WNK3: variants seen among roughly 807,000 people sequenced by gnomAD.
WNK3 encodes the protein serine/threonine-protein kinase WNK3.
Under a neutral mutation model 116.7 loss-of-function variants are expected in WNK3, and 18 were observed. The ratio of observed to expected loss-of-function variants is 0.15; its 90% CI spans 0.11 to 0.23. The LOEUF (loss-of-function observed/expected upper bound fraction) is 0.23, where lower values mean the gene tolerates loss of function less well. Ranked by LOEUF, WNK3 falls within the 10% of genes least tolerant of loss-of-function variation. WNK3 has a pLI of 1.00. For missense variants in WNK3, 993 were observed against 1,323.8 expected, an observed-to-expected ratio of 0.75 and a Z score of 3.88; for synonymous variants, 404 against 469.4, an observed-to-expected ratio of 0.86 and a Z score of 1.80.
At chrX:54,339,279 CTA>C in intron 1 of WNK3, among the ~76,000 whole-genome samples, 1 of 111,014 alleles carries the variant, frequency 9.0e-6, no homozygotes, top group African/African-American at 3.3e-5. Context: ...GAGAGAGTAA[CTA>C]GACAGAAAAT....
At chrX:54,262,850 T>A (rs1275678788) in intron 10 of WNK3, among the ~76,000 whole-genome samples, 1 of 106,974 alleles carries the variant, frequency 9.3e-6, no homozygotes, top group Non-Finnish European at 1.9e-5. Context: ...GAGAACTGCT[T>A]GAACCTGGGA....
intron 22 of WNK3, among the ~76,000 whole-genome samples, chrX:54,210,084 T>C: frequency 9.0e-6 from 1 of 111,385 alleles, no homozygotes; most frequent in Non-Finnish European, 1.9e-5. Context: ...CCAACAAATG[T>C]GTCCACCAAT....
intron 10 of WNK3, among the ~76,000 whole-genome samples, chrX:54,272,500 A>C (rs2068395270): frequency 9.0e-6 from 1 of 111,682 alleles, no homozygotes; most frequent in African/African-American, 3.2e-5. Context: ...GAAGGAAGTA[A>C]GGAAGGCAGC....
intron 13 of WNK3, 63 bp from the exon 14 acceptor site, chrX:54,251,750 TA>T: frequency 3.8e-6 from 4 of 1,062,474 alleles, no homozygotes; most frequent in Non-Finnish European, 5.0e-6. Context: ...TAATATTATA[TA>T]AATAGTGACT....
intron 7 of WNK3, among the ~76,000 whole-genome samples, chrX:54,295,257 G>A (rs1413857024): frequency 9.2e-6 from 1 of 109,013 alleles, no homozygotes; most frequent in Non-Finnish European, 1.9e-5. Context: ...CAAATTAACA[G>A]TTAATCTGTT....
At chrX:54,225,291 T>C (rs1389606613) in intron 22 of WNK3, among the ~76,000 whole-genome samples, 1 of 109,185 alleles carries the variant, frequency 9.2e-6, no homozygotes, top group African/African-American at 3.3e-5. Context: ...ACAAAACTTA[T>C]ACACTAAAAA....
intron 10 of WNK3, among the ~76,000 whole-genome samples, chrX:54,267,177 T>C (rs1254387073): frequency 8.1e-5 from 9 of 111,529 alleles, no homozygotes; most frequent in Non-Finnish European, 1.5e-4. Context: ...AATGATAGAC[T>C]GGATAAAGAA....
intron 22 of WNK3, among the ~76,000 whole-genome samples, chrX:54,218,311 A>C (rs1314062249): frequency 4.5e-5 from 5 of 111,138 alleles, no homozygotes; most frequent in African/African-American, 1.6e-4. Flanking sequence ...ACCAAGGGAC[A>C]AACTGTATAT....
chrX:54,341,644 TACA>T (rs2069326922), intron 1 of WNK3, among the ~76,000 whole-genome samples: 1 of 111,161 alleles, frequency 9.0e-6, no homozygotes, highest in Non-Finnish European at 1.9e-5. Flanking sequence ...TGATATATGC[TACA>T]ACAAGGATGA....
At chrX:54,204,328 G>C (rs1256489386) in intron 22 of WNK3, among the ~76,000 whole-genome samples, 1 of 110,723 alleles carries the variant, frequency 9.0e-6, no homozygotes, top group African/African-American at 3.3e-5. Flanking sequence ...CATGTTGCCA[G>C]GCTGGTCTCA....
intron 21 of WNK3, 110 bp downstream of exon 21, chrX:54,232,699 T>C (rs1200834990): frequency 4.5e-6 from 3 of 672,143 alleles, no homozygotes; most frequent in Non-Finnish European, 2.2e-6. Flanking sequence ...TAATGTGTAC[T>C]TCTTTAAATT....
chrX:54,289,465 A>T (rs1286755812), intron 10 of WNK3, among the ~76,000 whole-genome samples: 3 of 111,171 alleles, frequency 2.7e-5, no homozygotes, highest in African/African-American at 9.8e-5. Context: ...GCTGAATCAC[A>T]CTTTCAATAC....
intron 2 of WNK3, among the ~76,000 whole-genome samples, chrX:54,314,662 A>C (rs1467943817): frequency 9.0e-6 from 1 of 111,133 alleles, no homozygotes; most frequent in African/African-American, 3.3e-5. Context: ...CCAGCTACTT[A>C]GGGGGCTGAG....
At chrX:54,312,429 T>C (rs1427297759) in intron 2 of WNK3, among the ~76,000 whole-genome samples, 3 of 111,558 alleles carry the variant, frequency 2.7e-5, no homozygotes, top group Non-Finnish European at 5.6e-5. Context: ...TAGCATGCTA[T>C]GTTTTATTTC....
chrX:54,264,853 A>ATT (rs374917527), intron 10 of WNK3, among the ~76,000 whole-genome samples: 2 of 102,292 alleles, frequency 2.0e-5, no homozygotes, highest in Admixed American at 1.1e-4. Flanking sequence ...AGCAACTAAC[A>ATT]TTTTTTTTTT....
intron 22 of WNK3, among the ~76,000 whole-genome samples, chrX:54,215,335 C>T (rs1557144857): frequency 3.6e-5 from 4 of 111,111 alleles, no homozygotes; most frequent in African/African-American, 9.8e-5. Context: ...GGATTGCAGG[C>T]GCGCGCCGCC....
intron 22 of WNK3, among the ~76,000 whole-genome samples, chrX:54,228,260 T>C (rs782084857): frequency 1.5e-4 from 17 of 111,999 alleles, no homozygotes; most frequent in African/African-American, 5.5e-4. Flanking sequence ...GATTTCTTTT[T>C]GAGGTGATGA....
At position 54,250,141 on chromosome X, in the gene WNK3, T is replaced by A. The variant is rs1557153832; in HGVS notation, c.2576-10A>T. 2 of 1,171,078 alleles carry A rather than the reference T, an allele frequency of 1.7e-6. No homozygotes were observed. Among genetic ancestry groups the A allele is most frequent in the African/African-American group, 1.8e-5 (1 of 56,234 alleles). On this transcript the variant is annotated splice_polypyrimidine_tract_variant and intron_variant, in intron 15 of 23. Coordinates refer to ENST00000354646, the Ensembl canonical transcript of WNK3. Reference sequence around the variant, plus strand: ...TGAGGAGCAGATTCATCTGCAGAAATAATTAGCAAAAAATAATATGCTAAG... The same window carrying A: ...TGAGGAGCAGATTCATCTGCAGAAAAAATTAGCAAAAAATAATATGCTAAG...
rs1037356304 is a variant in WNK3 at position 54,337,755 on chromosome X, C to T, written c.-119-3963G>A. Among the ~76,000 whole-genome samples, 4 of 107,512 alleles carry T rather than the reference C, an allele frequency of 3.7e-5. No individual in the cohort carries two copies. The East Asian group carries it at 1.2e-3, about 31-fold the overall frequency. The allele number at this position is 107,512 out of a possible 115,157, so 93.4% of individuals were successfully genotyped here. ...TGGGTGACTGAGTGAGACCCTGTCT[C>T]AAAAATAAATAAAATAAAATAAAAT... is the stretch of plus-strand genomic sequence containing the variant. On this transcript the variant is annotated intron_variant, in intron 1 of 23. Coordinates refer to ENST00000354646, the Ensembl canonical transcript of WNK3.
Sources: allele counts gnomAD v4.1 joint callset (sites outside exome capture counted in the v4.1 genomes callset), GRCh38; gene constraint gnomAD v4.1.1; transcripts MANE v1.5; gene names NCBI Gene and HGNC (gene_info 2026-07-23, HGNC 2026-07-21).